IFT80: variants seen among roughly 807,000 people sequenced by gnomAD.
The protein encoded by IFT80 is intraflagellar transport protein 80 homolog.
In IFT80, 79 loss-of-function variants were observed where a neutral mutation model predicts 107.9. The ratio of observed to expected loss-of-function variants is 0.73; its 90% CI spans 0.61 to 0.88. The LOEUF (loss-of-function observed/expected upper bound fraction) is 0.88, where lower values mean the gene tolerates loss of function less well. IFT80 is among the 40% of genes least tolerant of loss of function. The pLI is 0.00. For synonymous variants in IFT80, 299 were observed against 300.9 expected, an observed-to-expected ratio of 0.99 and a Z score of 0.07; for missense variants, 797 against 914.2, an observed-to-expected ratio of 0.87 and a Z score of 1.65.
intron 12 of IFT80, among the ~76,000 whole-genome samples, chr3:160,291,930 G>A (rs1175380805): frequency 1.3e-5 from 2 of 152,224 alleles, no homozygotes; most frequent in Admixed American, 1.3e-4. Flanking sequence ...ACTGGGGGCT[G>A]CAGCAATGCA....
chr3:160,390,537 GAC>G (rs1713303711), intron 1 of IFT80, among the ~76,000 whole-genome samples: 1 of 152,284 alleles, frequency 6.6e-6, no homozygotes, highest in Admixed American at 6.5e-5. Context: ...TTTGGCTAAT[GAC>G]ACACAGTGAG....
At chr3:160,322,594 C>G (rs1393182725) in intron 8 of IFT80, among the ~76,000 whole-genome samples, 1 of 152,168 alleles carries the variant, frequency 6.6e-6, no homozygotes, top group Non-Finnish European at 1.5e-5. Flanking sequence ...AGTTCTAGAT[C>G]CCTGAGGAAT....
chr3:160,339,475 T>C (rs1306757828), intron 8 of IFT80, among the ~76,000 whole-genome samples: 1 of 152,184 alleles, frequency 6.6e-6, no homozygotes, highest in Non-Finnish European at 1.5e-5. Context: ...CACAAATTTC[T>C]CCAAAATATA....
At chr3:160,326,376 A>G (rs1057148666) in intron 8 of IFT80, among the ~76,000 whole-genome samples, 3 of 152,156 alleles carry the variant, frequency 2.0e-5, no homozygotes, top group African/African-American at 4.8e-5. Context: ...CAACAAAAAA[A>G]GAAAACTTCA....
At position 160,385,187 on chromosome 3, in the gene IFT80, G is replaced by A. The variant is rs184881525; in HGVS notation, c.-46-541C>T. 3.2e-3 allele frequency among the ~76,000 whole-genome samples: 490 copies of A among 152,206 alleles called. 15 individuals are homozygous for A. Among genetic ancestry groups the A allele is most frequent in the Non-Finnish European group, 6.9e-4 (47 of 68,014 alleles). On this transcript the variant is annotated intron_variant, in intron 1 of 19. Coordinates refer to ENST00000326448, the MANE Select transcript of IFT80 (RefSeq NM_020800.3). ...AAATAGGTGACTTATTTAAGGAAGA[G>A]GTAATAAATTGCTTATAAAAGTTAT...
At position 160,350,600 on chromosome 3, in the gene IFT80, A is replaced by T. The variant is rs147494491; in HGVS notation, c.777+5413T>A. 4.0e-3 allele frequency among the ~76,000 whole-genome samples: 603 copies of T among 152,236 alleles called. 1 individual carries two copies. Among genetic ancestry groups the T allele is most frequent in the Middle Eastern group, 0.02 (6 of 294 alleles). ...GGGAGGCCGAGGCAGGTGGATCACG[A>T]GGTCAAGAGATTGAGACCATCCTGG... is the stretch of plus-strand genomic sequence containing the variant. On this transcript the variant is annotated intron_variant, in intron 8 of 19. Coordinates refer to ENST00000326448, the MANE Select transcript of IFT80 (RefSeq NM_020800.3).
At chr3:160,335,234 CTT>C (rs547574888) in intron 8 of IFT80, among the ~76,000 whole-genome samples, 12 of 136,540 alleles carry the variant, frequency 8.8e-5, no homozygotes, top group Non-Finnish European at 6.4e-5. Flanking sequence ...TTCTTTTTTT[CTT>C]TTTTTTTTTT....
chr3:160,373,673 C>T, intron 5 of IFT80: 1 of 173,712 alleles, frequency 5.8e-6, no homozygotes, highest in Non-Finnish European at 1.2e-5. Flanking sequence ...ATGGTCACTG[C>T]TGGGGGTGAT....
chr3:160,392,660 T>C (rs528522698), intron 1 of IFT80, among the ~76,000 whole-genome samples: 26 of 152,368 alleles, frequency 1.7e-4, no homozygotes, highest in African/African-American at 6.3e-4. Flanking sequence ...GCCTCCACTA[T>C]GACCGCAATC....
intron 1 of IFT80, among the ~76,000 whole-genome samples, chr3:160,397,912 G>C (rs1225403774): frequency 6.6e-6 from 1 of 151,616 alleles, no homozygotes; most frequent in East Asian, 1.9e-4. Context: ...GTAGAGACGG[G>C]GTTTGTCCAT....
chr3:160,270,202 C>T (rs1713688949), intron 18 of IFT80, among the ~76,000 whole-genome samples: 1 of 152,176 alleles, frequency 6.6e-6, no homozygotes, highest in Non-Finnish European at 1.5e-5. Flanking sequence ...GGTTTCACCA[C>T]ATTGGCCAGG....
chr3:160,303,645 T>C (rs1420609442), intron 11 of IFT80, among the ~76,000 whole-genome samples: 6 of 152,226 alleles, frequency 3.9e-5, no homozygotes. Context: ...TTGTTTTAAT[T>C]TCTAATATCG....
At position 160,300,963 on chromosome 3, in the gene IFT80, A is replaced by G. The variant is rs1716379601; in HGVS notation, c.1235T>C (p.Met412Thr). ...CTGTGCATTCAGAATATCTGTTCTCATTCCAGGAAATTTTGGAGATGAAAT... is the reference window on the plus strand; with the variant it reads ...CTGTGCATTCAGAATATCTGTTCTCGTTCCAGGAAATTTTGGAGATGAAAT... ...RFISSPKFPG[M>T]RTDILNAQTV... The change falls in exon 12 of 20, where the codon ATG becomes ACG. Residue 412 changes from methionine (M) to threonine (T), a missense_variant. Transcript: ENST00000326448. 3 of 1,611,018 alleles carry G rather than the reference A, an allele frequency of 1.9e-6. No homozygotes were observed. In the East Asian group the frequency reaches 6.7e-5, roughly 36 times the overall value.
At chr3:160,303,418 A>G (rs896051606) in intron 11 of IFT80, among the ~76,000 whole-genome samples, 1 of 152,200 alleles carries the variant, frequency 6.6e-6, no homozygotes, top group African/African-American at 2.4e-5. Flanking sequence ...CTAGTTTTCA[A>G]ACTTCAGGTC....
chr3:160,377,681 T>C (rs750739797), intron 3 of IFT80, 141 bp from the exon 4 acceptor site: 4 of 497,696 alleles, frequency 8.0e-6, no homozygotes, highest in South Asian at 3.6e-5. Flanking sequence ...ATAAATCTAT[T>C]GGAAAATAGG....
At chr3:160,271,523 T>G (rs992097130) in intron 18 of IFT80, among the ~76,000 whole-genome samples, 1 of 152,146 alleles carries the variant, frequency 6.6e-6, no homozygotes, top group Non-Finnish European at 1.5e-5. Context: ...GAGAACAGAC[T>G]ACTACCAAAT....
intron 19 of IFT80, among the ~76,000 whole-genome samples, chr3:160,262,117 G>C (rs78112989): frequency 6.6e-6 from 1 of 152,044 alleles, no homozygotes; most frequent in Non-Finnish European, 1.5e-5. Context: ...GGAGAGATAG[G>C]TGAAAAGAGA....
At chr3:160,343,293 A>G (rs1720052332) in intron 8 of IFT80, among the ~76,000 whole-genome samples, 1 of 152,164 alleles carries the variant, frequency 6.6e-6, no homozygotes, top group Non-Finnish European at 1.5e-5. Context: ...ATATTCAAAG[A>G]CAGAGAAAAT....
At chr3:160,376,833 T>C (rs1261681182) in intron 4 of IFT80, among the ~76,000 whole-genome samples, 1 of 152,230 alleles carries the variant, frequency 6.6e-6, no homozygotes, top group Non-Finnish European at 1.5e-5. Flanking sequence ...TAATGCCTCC[T>C]GCCAACAACC....
Sources: gnomAD v4.1 joint callset for allele counts (sites outside exome capture counted in the v4.1 genomes callset) on GRCh38, gnomAD v4.1.1 for gene constraint, MANE v1.5 for transcripts, NCBI Gene and HGNC (gene_info 2026-07-23, HGNC 2026-07-21) for gene names.